The following C1QTNF5 variants were observed in gnomAD, a reference collection of about 807,000 sequenced individuals.
C1QTNF5 encodes complement C1q tumor necrosis factor-related protein 5.
A neutral mutation model predicts 10.9 loss-of-function variants in C1QTNF5; 5 were observed. That is an observed-to-expected ratio of 0.46 (90% confidence interval 0.24 to 0.97). C1QTNF5 has a LOEUF of 0.97. C1QTNF5 is among the 50% of genes least tolerant of loss of function. C1QTNF5 has a pLI of 0.19. For synonymous variants in C1QTNF5, 161 were observed against 156.5 expected, an observed-to-expected ratio of 1.03 and a Z score of -0.22; for missense variants, 281 against 339.4, an observed-to-expected ratio of 0.83 and a Z score of 1.35.
At chr11:119,341,710 G>A (rs1036542163), upstream of C1QTNF5, 5 of 1,613,068 alleles carry the variant, frequency 3.1e-6, no homozygotes, top group Non-Finnish European at 4.2e-6. Context: ...GGGTGCAACG[G>A]GGCACAAGCA....
chr11:119,340,447 A>T lies in C1QTNF5; in HGVS notation c.-43-7T>A. 6.6e-7 allele frequency: 1 copy of T among 1,518,906 alleles called. No individual in the cohort carries two copies. Among genetic ancestry groups the T allele is most frequent in the Non-Finnish European group, 8.9e-7 (1 of 1,129,918 alleles). 94.1% of individuals were successfully genotyped at this position (1,518,906 alleles called of 1,614,324 possible). On this transcript the variant is annotated splice_polypyrimidine_tract_variant and splice_region_variant and intron_variant, in intron 1 of 2. Transcript: ENST00000528368. ...GCCGGGGTCCTCTCGCAGTCTGTGGACCAGGCAGGACTGGAGTCGGGACCC... is the reference window on the plus strand; with the variant it reads ...GCCGGGGTCCTCTCGCAGTCTGTGGTCCAGGCAGGACTGGAGTCGGGACCC...
the C1QTNF5 span, chr11:119,346,045 C>T: frequency 4.9e-5 from 79 of 1,611,036 alleles, no homozygotes; most frequent in Middle Eastern, 1.6e-4. Flanking sequence ...CGGGTACTTA[C>T]GGGCCAGGAT....
At chr11:119,346,164 G>A in the C1QTNF5 span, 26 of 1,583,236 alleles carry the variant, frequency 1.6e-5, no homozygotes, top group African/African-American at 6.7e-5. Context: ...GCCGACCTGC[G>A]GGTTGGCAGG....
upstream of C1QTNF5, chr11:119,342,733 G>A: frequency 6.2e-7 from 1 of 1,613,574 alleles, no homozygotes. Flanking sequence ...GGGGTCTGCA[G>A]GCACAAGGGG....
upstream of C1QTNF5, chr11:119,342,657 C>T (rs1445324308): frequency 1.3e-5 from 21 of 1,613,642 alleles, no homozygotes; most frequent in Non-Finnish European, 1.6e-5. Flanking sequence ...AGTCTCTCCA[C>T]ATGTCACACA....
At position 119,339,080 on chromosome 11, in the gene C1QTNF5, G is replaced by A. The variant is rs886047816; in HGVS notation, c.*251C>T. ...GGCTCCTGGACCAGAGCAACTGGGG[G>A]ACTTACACTTGCCAGCACAGCACAC... On this transcript the variant is annotated 3_prime_UTR_variant, in exon 3 of 3. Coordinates refer to ENST00000528368, the MANE Select transcript of C1QTNF5 (RefSeq NM_001278431.2). The surrounding 1 kb of genome is among the most constrained non-coding windows in gnomAD (Gnocchi z 5.4). 2.0e-6 allele frequency: 1 copy of A among 491,358 alleles called. No individual in the cohort carries two copies. Among genetic ancestry groups the A allele is most frequent in the Non-Finnish European group, 3.6e-6 (1 of 277,270 alleles). 30.4% of individuals were successfully genotyped at this position (491,358 alleles called of 1,614,324 possible).
chr11:119,344,462 T>C, upstream of C1QTNF5: 4 of 1,557,632 alleles, frequency 2.6e-6, no homozygotes, highest in Middle Eastern at 5.0e-4. Flanking sequence ...TGGCGGTGAT[T>C]ACAGAGCGAG....
rs764246519 is a variant in C1QTNF5, at chr11:119,339,638, T to C, written c.425A>G (p.Lys142Arg). 7 of 1,612,746 alleles carry C rather than the reference T, an allele frequency of 4.3e-6. No individual in the cohort carries two copies. In the East Asian group the frequency reaches 1.3e-4, roughly 31 times the overall value. ...GACCCCAGGCACCTGGCAGGTGAAC[T>C]TGCCGGTGACGGCGTCGTAATGTCC... ...EQGHYDAVTG[K>R]FTCQVPGVYY... is the part of the protein sequence containing the mutation. Residue 142 changes from lysine (K) to arginine (R), a missense_variant, in exon 3 of 3, where the codon AAG becomes AGG. Coordinates refer to ENST00000528368, the MANE Select transcript of C1QTNF5 (RefSeq NM_001278431.2). This position sits in a 1 kb window ranked among gnomAD's most constrained non-coding sequence, Gnocchi z 5.4.
At chr11:119,344,056 G>T (rs1489920214), upstream of C1QTNF5, 9 of 1,515,018 alleles carry the variant, frequency 5.9e-6, no homozygotes, top group Admixed American at 1.7e-5. Context: ...CTGCTGGCTG[G>T]GGGGATGGGG....
chr11:119,341,633 C>A (rs1377658453), upstream of C1QTNF5: 2 of 1,612,878 alleles, frequency 1.2e-6, no homozygotes, highest in Non-Finnish European at 1.7e-6. Context: ...TAGTGCCAGG[C>A]CAGACTGGCA....
chr11:119,344,723 C>T (rs371537663), upstream of C1QTNF5: 181 of 1,614,024 alleles, frequency 1.1e-4, no homozygotes, highest in South Asian at 1.7e-3. Flanking sequence ...GGCAGATGAG[C>T]TGGTCACAGC....
rs1285799947 is a variant in C1QTNF5, at chr11:119,339,592, G to A, written c.471C>T (p.Ala157=). Residue 157 remains alanine (A), a synonymous_variant, in exon 3 of 3, where the codon GCC becomes GCT. Transcript: ENST00000528368. The surrounding 1 kb of genome is among the most constrained non-coding windows in gnomAD (Gnocchi z 5.4). ...VPGVYYFAVH[A]TVYRASLQFD... ...ACTGCAGGCTGGCCCGGTAGACGGT[G>A]GCATGGACGGCGAAGTAGTAGACCC... 2.5e-6 allele frequency: 4 copies of A among 1,613,334 alleles called. No homozygotes were observed. Among genetic ancestry groups the A allele is most frequent in the South Asian group, 1.1e-5 (1 of 91,090 alleles).
chr11:119,342,511 G>T (rs1950512130), upstream of C1QTNF5: 2 of 1,553,552 alleles, frequency 1.3e-6, no homozygotes, highest in Non-Finnish European at 1.7e-6. Context: ...AGGGAGGTTG[G>T]GATGGGACAC....
rs916580246 is a variant in C1QTNF5 at position 119,340,171 on chromosome 11, G to C, written c.214+13C>G. On this transcript the variant is annotated intron_variant, in intron 2 of 2. Coordinates refer to ENST00000528368, the MANE Select transcript of C1QTNF5 (RefSeq NM_001278431.2). Reference sequence around the variant, plus strand: ...GGACATCGCCACCGATAGCCGCGGCGGTGCCTTCTTACCCGGCCTCCCGCC... The same window carrying C: ...GGACATCGCCACCGATAGCCGCGGCCGTGCCTTCTTACCCGGCCTCCCGCC... The C allele has an allele frequency of 2.6e-6, 4 of 1,509,842 alleles. No homozygotes were observed. The Admixed American group carries it at 6.5e-5, about 25-fold the overall frequency. The allele number at this position is 1,509,842 out of a possible 1,614,324, so 93.5% of individuals were successfully genotyped here.
chr11:119,343,601 G>A (rs1950525795), upstream of C1QTNF5, among the ~76,000 whole-genome samples: 1 of 152,226 alleles, frequency 6.6e-6, no homozygotes, highest in African/African-American at 2.4e-5. Context: ...CTGGGGCAGG[G>A]AGAGGTTTGG....
upstream of C1QTNF5, chr11:119,344,176 TC>T (rs1950533409): frequency 4.1e-6 from 4 of 969,116 alleles, no homozygotes; most frequent in Non-Finnish European, 6.5e-6. Flanking sequence ...TTAATAATAT[TC>T]CCCCATCCCC....
rs1950472382 is a variant in C1QTNF5, at chr11:119,339,394, T to G, written c.669A>C (p.Thr223=). The stretch of plus-strand genomic sequence containing the variant: ...CCAGAAATCCGGAGAAGGTGCTGTC[T>G]GTCTTGATGCTGGCATAGATGCCAA... ...DYIGIYASIK[T]DSTFSGFLVY... The change falls in exon 3 of 3, where the codon ACA becomes ACC. Residue 223 remains threonine (T), a synonymous_variant. Coordinates refer to ENST00000528368, the MANE Select transcript of C1QTNF5 (RefSeq NM_001278431.2). This position sits in a 1 kb window ranked among gnomAD's most constrained non-coding sequence, Gnocchi z 5.4. 1.9e-6 allele frequency: 3 copies of G among 1,613,076 alleles called. No individual in the cohort carries two copies. The East Asian group carries it at 6.7e-5, about 36-fold the overall frequency.
chr11:119,345,818 G>A (rs1950558966), upstream of C1QTNF5: 3 of 1,613,850 alleles, frequency 1.9e-6, no homozygotes. Flanking sequence ...TGCCCTTTAG[G>A]GGTCCCAGCT....
upstream of C1QTNF5, chr11:119,344,228 T>C (rs1424045276): frequency 3.1e-6 from 4 of 1,284,650 alleles, no homozygotes; most frequent in Admixed American, 6.7e-5. Flanking sequence ...GAAGGTAGTG[T>C]CTACCATGCC....
Sources: allele counts gnomAD v4.1 joint callset (sites outside exome capture counted in the v4.1 genomes callset), GRCh38; gene constraint gnomAD v4.1.1; non-coding constraint Gnocchi (gnomAD v3.1); transcripts MANE v1.5; gene names NCBI Gene and HGNC (gene_info 2026-07-23, HGNC 2026-07-21).